MAML3: variants seen among roughly 807,000 people sequenced by gnomAD.
The protein encoded by MAML3 is mastermind like transcriptional coactivator 3, also known as mastermind-like protein 3.
Under a neutral mutation model 101.9 loss-of-function variants are expected in MAML3, and 27 were observed. The ratio of observed to expected loss-of-function variants is 0.27; its 90% CI spans 0.20 to 0.37. The LOEUF (loss-of-function observed/expected upper bound fraction) is 0.37. MAML3 is among the 10% of genes least tolerant of loss of function. The probability of loss-of-function intolerance (pLI) is 1.00; values close to 1 mark genes in which losing one functional copy is unlikely to be tolerated. For missense variants in MAML3, 1,316 were observed against 1,444.9 expected (o/e 0.91, Z 1.45); for synonymous variants, 501 against 555.9 (o/e 0.90, Z 1.39).
chr4:140,076,358 A>AT (rs997990227), intron 1 of MAML3, among the ~76,000 whole-genome samples: 8 of 152,100 alleles, frequency 5.3e-5, no homozygotes, highest in South Asian at 2.1e-4. Context: ...GTGAAAATGC[A>AT]TTTTTTTGTA....
intron 2 of MAML3, among the ~76,000 whole-genome samples, chr4:139,789,948 G>A (rs1242347207): frequency 6.6e-6 from 1 of 152,022 alleles, no homozygotes; most frequent in African/African-American, 2.4e-5. Context: ...TGCTGAGCCT[G>A]AGGTGCCAGT....
At chr4:139,725,692 C>T (rs1728441573) in intron 4 of MAML3, 59 bp downstream of exon 4, 1 of 1,515,744 alleles carries the variant, frequency 6.6e-7, no homozygotes, top group Non-Finnish European at 9.2e-7. Flanking sequence ...TCTGGCTACA[C>T]ATTCACTTAC....
At chr4:140,074,219 A>AG (rs1560885544) in intron 1 of MAML3, among the ~76,000 whole-genome samples, 1 of 57,224 alleles carries the variant, frequency 1.7e-5, no homozygotes, top group Non-Finnish European at 5.0e-5. Context: ...GAAAGAAAGA[A>AG]AGAAAGAAAG....
At chr4:140,053,477 T>C (rs1258303869) in intron 1 of MAML3, among the ~76,000 whole-genome samples, 1 of 152,216 alleles carries the variant, frequency 6.6e-6, no homozygotes, top group African/African-American at 2.4e-5. Flanking sequence ...TTTTCTCCTC[T>C]GGGCCATCGG....
intron 4 of MAML3, among the ~76,000 whole-genome samples, chr4:139,722,612 T>C (rs1462922416): frequency 6.6e-6 from 1 of 152,196 alleles, no homozygotes; most frequent in Non-Finnish European, 1.5e-5. Context: ...AAAGTCTATG[T>C]TCTATTTTCA....
chr4:140,010,868 C>G (rs532874090), intron 1 of MAML3, among the ~76,000 whole-genome samples: 35 of 151,916 alleles, frequency 2.3e-4, no homozygotes, highest in South Asian at 4.2e-4. Context: ...CTTGGGAGGC[C>G]GAGGCAGGCA....
At chr4:139,861,121 A>T (rs1247385114) in intron 2 of MAML3, among the ~76,000 whole-genome samples, 1 of 152,124 alleles carries the variant, frequency 6.6e-6, no homozygotes, top group Non-Finnish European at 1.5e-5. Context: ...ATCATTTTCC[A>T]GTCCTTGACT....
intron 1 of MAML3, among the ~76,000 whole-genome samples, chr4:140,052,525 C>A (rs1164612523): frequency 1.3e-5 from 2 of 150,768 alleles, no homozygotes; most frequent in Non-Finnish European, 3.0e-5. Flanking sequence ...CTCAAAAAAC[C>A]CATATATTTC....
At chr4:139,807,860 A>T (rs1012857888) in intron 2 of MAML3, among the ~76,000 whole-genome samples, 3 of 151,690 alleles carry the variant, frequency 2.0e-5, no homozygotes, top group Admixed American at 2.0e-4. Context: ...TAGCCCATAC[A>T]TGATACACTC....
At chr4:140,098,354 T>A (rs145985565) in intron 1 of MAML3, among the ~76,000 whole-genome samples, 3 of 152,332 alleles carry the variant, frequency 2.0e-5, no homozygotes, top group African/African-American at 7.2e-5. Context: ...GGTTTCATCA[T>A]TTTTTATGAA....
chr4:139,961,298 G>T (rs949924658), intron 1 of MAML3, among the ~76,000 whole-genome samples: 4 of 152,216 alleles, frequency 2.6e-5, no homozygotes, highest in African/African-American at 4.8e-5. Flanking sequence ...CTCCTTCGAG[G>T]AATTCAATGA....
chr4:139,917,397 C>T (rs986514078), intron 1 of MAML3, among the ~76,000 whole-genome samples: 3 of 152,134 alleles, frequency 2.0e-5, no homozygotes, highest in Admixed American at 6.5e-5. Flanking sequence ...TGATCACTCT[C>T]ATCAGGTGGC....
At chr4:140,036,483 C>T (rs17005474) in intron 1 of MAML3, among the ~76,000 whole-genome samples, 1,679 of 152,286 alleles carry the variant, frequency 0.011, 30 homozygotes, top group African/African-American at 0.038. Flanking sequence ...ACACAATGAC[C>T]CTTTCAAGTC....
intron 2 of MAML3, among the ~76,000 whole-genome samples, chr4:139,757,883 G>C (rs940156141): frequency 7.9e-5 from 12 of 152,004 alleles, no homozygotes; most frequent in African/African-American, 2.9e-4. Context: ...CTGAGCTCTA[G>C]TATCACACCC....
chr4:139,889,219 C>T (rs1732409657), intron 2 of MAML3, 138 bp downstream of exon 2: 4 of 1,514,606 alleles, frequency 2.6e-6, no homozygotes, highest in Non-Finnish European at 3.6e-6. Flanking sequence ...CAAACCTGGC[C>T]ACTACCTGAG....
intron 2 of MAML3, among the ~76,000 whole-genome samples, chr4:139,866,078 G>A (rs1272270943): frequency 1.3e-5 from 2 of 152,258 alleles, no homozygotes; most frequent in Admixed American, 1.3e-4. Context: ...GGGATGGAAA[G>A]GGAATTGGGT....
chr4:139,872,363 T>C (rs577250049), intron 2 of MAML3, among the ~76,000 whole-genome samples: 15 of 152,178 alleles, frequency 9.9e-5, no homozygotes, highest in Non-Finnish European at 2.2e-4. Flanking sequence ...GATTCATATT[T>C]GAATGGGAAA....
chr4:139,745,033 G>A (rs902700240), intron 2 of MAML3, among the ~76,000 whole-genome samples: 1 of 152,176 alleles, frequency 6.6e-6, no homozygotes, highest in Non-Finnish European at 1.5e-5. Flanking sequence ...GTTTCTACTC[G>A]CTCTAACATT....
chr4:139,962,342 T>C (rs773598175), intron 1 of MAML3, among the ~76,000 whole-genome samples: 2 of 152,182 alleles, frequency 1.3e-5, no homozygotes, highest in African/African-American at 4.8e-5. Flanking sequence ...TTGATCTCAT[T>C]GAAATATTTG....
Sources: allele counts gnomAD v4.1 joint callset (sites outside exome capture counted in the v4.1 genomes callset), GRCh38; gene constraint gnomAD v4.1.1; transcripts MANE v1.5; gene names NCBI Gene and HGNC (gene_info 2026-07-23, HGNC 2026-07-21).